Variants in ZNF618 observed in about 807,000 individuals in gnomAD.
The protein encoded by ZNF618 is neural precursor cell expressed, developmentally down-regulated 10.
ZNF618 carries 34 observed loss-of-function variants against 103.0 expected under a neutral mutation model. That is an observed-to-expected ratio of 0.33 (90% CI 0.25 to 0.44). The LOEUF is 0.44. ZNF618 is among the 20% of genes least tolerant of loss of function. ZNF618 has a pLI of 1.00. For synonymous variants in ZNF618, 551 were observed against 542.2 expected (o/e 1.02, Z -0.23); for missense variants, 1,059 against 1,295.4 (o/e 0.82, Z 2.80).
intron 2 of ZNF618, among the ~76,000 whole-genome samples, chr9:113,978,508 G>A (rs897090268): frequency 6.6e-5 from 10 of 152,182 alleles, no homozygotes; most frequent in African/African-American, 2.4e-4. Context: ...TTTATTTCAT[G>A]TCGGTGTGAC....
chr9:113,883,850 G>A (rs1244028713), intron 1 of ZNF618, among the ~76,000 whole-genome samples: 1 of 152,058 alleles, frequency 6.6e-6, no homozygotes, highest in East Asian at 1.9e-4. Context: ...TTCTCCAAAA[G>A]CTGTTATAAA....
chr9:113,963,200 C>T (rs542050709), intron 1 of ZNF618, among the ~76,000 whole-genome samples: 7 of 152,310 alleles, frequency 4.6e-5, no homozygotes, highest in Admixed American at 2.0e-4. Context: ...TTCTTGCAAG[C>T]GCAGTGCCCC....
At chr9:114,007,498 C>G in intron 7 of ZNF618, 59 bp downstream of exon 7, 1 of 1,506,874 alleles carries the variant, frequency 6.6e-7, no homozygotes, top group Non-Finnish European at 9.1e-7. Flanking sequence ...CTTGGAGACA[C>G]CAGCCCCCAG....
intron 1 of ZNF618, among the ~76,000 whole-genome samples, chr9:113,880,386 G>A (rs1486101761): frequency 1.3e-5 from 2 of 152,016 alleles, no homozygotes; most frequent in Non-Finnish European, 2.9e-5. Flanking sequence ...GAACACTTGG[G>A]ATCAGATCAA....
intron 9 of ZNF618, chr9:114,016,037 G>T: frequency 7.2e-7 from 1 of 1,392,530 alleles, no homozygotes; most frequent in Non-Finnish European, 1.0e-6. Flanking sequence ...TTGTTTGGGG[G>T]TTACAGATGA....
chr9:114,030,647 G>A (rs1843934648), intron 11 of ZNF618, among the ~76,000 whole-genome samples: 1 of 152,166 alleles, frequency 6.6e-6, no homozygotes, highest in African/African-American at 2.4e-5. Context: ...GAGGGCATCC[G>A]GTTGGGAGCA....
intron 1 of ZNF618, among the ~76,000 whole-genome samples, chr9:113,951,587 G>GTGTA (rs1835777271): frequency 5.8e-5 from 4 of 68,492 alleles, no homozygotes; most frequent in African/African-American, 1.8e-4. Flanking sequence ...ATGTGTGTGT[G>GTGTA]TGTGTGTGTG....
At chr9:113,946,876 T>C (rs1835087360) in intron 1 of ZNF618, among the ~76,000 whole-genome samples, 1 of 152,232 alleles carries the variant, frequency 6.6e-6, no homozygotes, top group Non-Finnish European at 1.5e-5. Context: ...TGCTACAGAA[T>C]TCCTGACAGG....
rs971181707 is a variant in ZNF618, at chr9:113,951,455, A to G, written c.34-17662A>G. ...TGTATATATATACATATATGTGTAT[A>G]TATACATATATGTGTGTATGTGTAC... is the stretch of plus-strand genomic sequence containing the variant. On this transcript the variant is annotated intron_variant, in intron 1 of 14. Coordinates refer to ENST00000374126, the MANE Select transcript of ZNF618 (RefSeq NM_001318042.2). Among the ~76,000 whole-genome samples, 20 of 33,250 alleles carry G rather than the reference A, an allele frequency of 6.0e-4. 2 individuals are homozygous for G. The highest frequency in any genetic ancestry group is 7.2e-4 in the African/African-American group (10 of 13,836). The allele number at this position is 33,250 out of a possible 152,430, so 21.8% of individuals were successfully genotyped here.
chr9:113,895,851 T>C (rs776308426), intron 1 of ZNF618, among the ~76,000 whole-genome samples: 35 of 152,168 alleles, frequency 2.3e-4, no homozygotes, highest in Non-Finnish European at 4.0e-4. Context: ...TTTTTGGAGA[T>C]AATTATTTTC....
chr9:113,988,725 T>G (rs1886129), intron 3 of ZNF618, 145 bp downstream of exon 3: 779,138 of 1,251,460 alleles, frequency 0.62, 247,221 homozygotes, highest in Middle Eastern at 0.74. Context: ...GGGAGAGATC[T>G]CAGCTTCTTA....
chr9:114,028,501 A>C, intron 10 of ZNF618: 1 of 615,102 alleles, frequency 1.6e-6, no homozygotes, highest in Non-Finnish European at 2.8e-6. Flanking sequence ...TGGGTGACCT[A>C]CACAGTGGGC....
chr9:113,957,558 C>A (rs1455402468), intron 1 of ZNF618, among the ~76,000 whole-genome samples: 1 of 152,180 alleles, frequency 6.6e-6, no homozygotes, highest in Non-Finnish European at 1.5e-5. Context: ...GTATAAAGTT[C>A]CTCCTCCCTG....
At chr9:113,984,526 A>G (rs1040995143) in intron 2 of ZNF618, among the ~76,000 whole-genome samples, 1 of 152,190 alleles carries the variant, frequency 6.6e-6, no homozygotes, top group African/African-American at 2.4e-5. Flanking sequence ...CCTGGCTCCT[A>G]CAGCTCCTCC....
Position 113,998,352 on chromosome 9 carries a change from C to T in ZNF618, c.431C>T (p.Ser144Phe). 6.5e-7 allele frequency: 1 copy of T among 1,550,362 alleles called. No homozygotes were observed. Among genetic ancestry groups the T allele is most frequent in the Non-Finnish European group, 8.7e-7 (1 of 1,146,940 alleles). ...WIFDQALRYA[S>F]GSYECGICGK... ...TTTGACCAAGCATTGAGATATGCAT[C>T]TGGTACGTGATGGCCAAGGGGTAGT... is the stretch of plus-strand genomic sequence containing the variant. The change falls in exon 4 of 15, where the codon TCT becomes TTT. Residue 144 changes from serine to phenylalanine, a missense_variant and splice_region_variant. By Grantham distance (155) the Ser-to-Phe change is radical. Transcript: ENST00000374126.
chr9:113,889,599 A>G (rs552582980), intron 1 of ZNF618, among the ~76,000 whole-genome samples: 1 of 152,348 alleles, frequency 6.6e-6, no homozygotes, highest in South Asian at 2.1e-4. Context: ...CTGTCTATGG[A>G]GGCGTGTCAG....
chr9:113,972,832 C>T (rs545505410), intron 2 of ZNF618, among the ~76,000 whole-genome samples: 143 of 152,188 alleles, frequency 9.4e-4, no homozygotes, highest in South Asian at 6.2e-4. Context: ...TTTGGGAGGC[C>T]GAGGCGGGCG....
At chr9:114,020,297 G>T (rs142414169) in intron 10 of ZNF618, among the ~76,000 whole-genome samples, 2 of 152,148 alleles carry the variant, frequency 1.3e-5, no homozygotes, top group East Asian at 1.9e-4. Context: ...GGCTATTCTA[G>T]AAACTTTATT....
intron 1 of ZNF618, among the ~76,000 whole-genome samples, chr9:113,906,180 G>C (rs552907365): frequency 6.6e-6 from 1 of 152,276 alleles, no homozygotes; most frequent in African/African-American, 2.4e-5. Flanking sequence ...CATAGACTCT[G>C]TGCATTTCAA....
Sources: allele counts gnomAD v4.1 joint callset (sites outside exome capture counted in the v4.1 genomes callset), GRCh38; gene constraint gnomAD v4.1.1; transcripts MANE v1.5; gene names NCBI Gene and HGNC (gene_info 2026-07-23, HGNC 2026-07-21).